Variants in MMS22L observed in about 807,000 individuals in gnomAD.
MMS22L encodes MMS22 like, DNA repair protein.
A neutral mutation model predicts 159.1 loss-of-function variants in MMS22L; 74 were observed. The ratio of observed to expected loss-of-function variants is 0.47; its 90% confidence interval spans 0.39 to 0.56. The LOEUF (loss-of-function observed/expected upper bound fraction) is 0.56, where lower values mean the gene tolerates loss of function less well. Among genes scored for constraint, MMS22L ranks in the 20% least tolerant of loss-of-function variants. The pLI, the probability that MMS22L is intolerant of heterozygous loss-of-function variation, is 0.00. For synonymous variants in MMS22L, 517 were observed against 506.9 expected (o/e 1.02, Z -0.27); for missense variants, 1,351 against 1,422.1 (o/e 0.95, Z 0.80).
intron 14 of MMS22L, among the ~76,000 whole-genome samples, chr6:97,200,628 C>G (rs114769091): frequency 0.016 from 2,359 of 151,992 alleles, 62 homozygotes; most frequent in African/African-American, 0.054. Flanking sequence ...AAAAAAAATC[C>G]ATGCATATGC....
chr6:97,224,530 C>A, intron 14 of MMS22L, among the ~76,000 whole-genome samples: 1 of 150,402 alleles, frequency 6.6e-6, no homozygotes, highest in South Asian at 2.1e-4. Flanking sequence ...GTCTCCACAC[C>A]TCTCAAATCA....
intron 14 of MMS22L, among the ~76,000 whole-genome samples, chr6:97,194,046 C>G (rs1488211168): frequency 1.3e-5 from 2 of 151,214 alleles, no homozygotes; most frequent in East Asian, 2.0e-4. Context: ...CAGGCGTGAG[C>G]CACCGTGCCT....
chr6:97,211,495 C>G (rs189228574), intron 14 of MMS22L, among the ~76,000 whole-genome samples: 91 of 152,130 alleles, frequency 6.0e-4, no homozygotes, highest in African/African-American at 2.0e-3. Flanking sequence ...GTAAAATCTT[C>G]ATCTTCTAGT....
At chr6:97,282,256 A>T in intron 2 of MMS22L, 58 bp downstream of exon 2, 3 of 1,557,830 alleles carry the variant, frequency 1.9e-6, no homozygotes, top group Non-Finnish European at 2.6e-6. Flanking sequence ...AATAACTAAC[A>T]TTCCTAAAAA....
At position 97,234,053 on chromosome 6, in the gene MMS22L, C is replaced by G. The variant is rs569587170; in HGVS notation, c.1183-73G>C. 3.5e-3 allele frequency: 5,328 copies of G among 1,513,010 alleles called. 19 individuals are homozygous for G. The highest frequency in any genetic ancestry group is 4.2e-3 in the Non-Finnish European group (4,723 of 1,122,182). The allele number at this position is 1,513,010 out of a possible 1,614,324, so 93.7% of individuals were successfully genotyped here. ...ATAAACATTTTCACTTGATATTGTGCTGTATATAACCTGCAGCTAAAAAGA... is the reference window on the plus strand; with the variant it reads ...ATAAACATTTTCACTTGATATTGTGGTGTATATAACCTGCAGCTAAAAAGA... On this transcript the variant is annotated intron_variant, in intron 11 of 24. Transcript: ENST00000683635.
In MMS22L at chr6:97,186,585, A is replaced by C. The variant is rs756955687; in HGVS notation, c.2145T>G (p.Ser715Arg). ...AKERHLAAVA[S>R]ALWRHFFSFL... ...ATGAAAAGAAATGTCTCCACAGTGC[A>C]CTGGCAACTGCAGCAAGGTGGCGCT... is the stretch of plus-strand genomic sequence containing the variant. The change falls in exon 15 of 25, where the codon AGT (serine) becomes AGG (arginine). Residue 715 changes from serine (S) to arginine (R), a missense_variant. Transcript: ENST00000683635. The C allele has an allele frequency of 6.2e-7, 1 of 1,613,012 alleles. No homozygotes were observed.
At chr6:97,255,552 T>A (rs1195724519) in intron 9 of MMS22L, among the ~76,000 whole-genome samples, 1 of 152,130 alleles carries the variant, frequency 6.6e-6, no homozygotes, top group African/African-American at 2.4e-5. Context: ...ATTGCTAACA[T>A]CTTGAGATAA....
intron 11 of MMS22L, among the ~76,000 whole-genome samples, chr6:97,239,782 AC>A (rs1811854704): frequency 6.6e-6 from 1 of 152,118 alleles, no homozygotes; most frequent in Non-Finnish European, 1.5e-5. Flanking sequence ...GGTGGCATGC[AC>A]CTGTCCTAAT....
intron 14 of MMS22L, among the ~76,000 whole-genome samples, chr6:97,215,114 A>AT (rs1554266841): frequency 0.052 from 4,500 of 87,138 alleles, 94 homozygotes; most frequent in Non-Finnish European, 0.084. Flanking sequence ...ATATATATAT[A>AT]TTTTTTTTTT....
At chr6:97,247,421 A>G (rs571490017) in intron 10 of MMS22L, among the ~76,000 whole-genome samples, 2 of 152,278 alleles carry the variant, frequency 1.3e-5, no homozygotes, top group Admixed American at 1.3e-4. Context: ...TGTGGAAGGG[A>G]AAAAAACGGT....
chr6:97,237,082 A>G (rs753101853), intron 11 of MMS22L, among the ~76,000 whole-genome samples: 8 of 152,182 alleles, frequency 5.3e-5, no homozygotes, highest in Non-Finnish European at 2.9e-5. Flanking sequence ...ATGGAAGAGG[A>G]CAGAAAAATG....
intron 9 of MMS22L, chr6:97,259,507 C>CACTTTTCTTTTGAACATACTGAAGT (rs1814212853): frequency 1.3e-5 from 2 of 152,098 alleles, no homozygotes; most frequent in Non-Finnish European, 2.9e-5. Context: ...CATACTGAAA[C>CACTTTTCTTTTGAACATACTGAAGT]ACTGTTCTTT....
intron 4 of MMS22L, among the ~76,000 whole-genome samples, chr6:97,275,450 C>G (rs1816160976): frequency 6.6e-6 from 1 of 152,154 alleles, no homozygotes; most frequent in South Asian, 2.1e-4. Context: ...TTGCTTGAAC[C>G]AGGGAGTCAG....
At chr6:97,238,327 T>C (rs776425524) in intron 11 of MMS22L, among the ~76,000 whole-genome samples, 2 of 152,222 alleles carry the variant, frequency 1.3e-5, no homozygotes, top group Non-Finnish European at 2.9e-5. Flanking sequence ...AAATAATAAA[T>C]GCAACAGGGT....
chr6:97,222,784 T>A (rs551511284), intron 14 of MMS22L, among the ~76,000 whole-genome samples: 2 of 152,094 alleles, frequency 1.3e-5, no homozygotes, highest in South Asian at 4.1e-4. Context: ...AGCTGTGTTA[T>A]AAAACCCCGA....
chr6:97,159,862 G>T (rs781581714), intron 22 of MMS22L, among the ~76,000 whole-genome samples: 8 of 149,420 alleles, frequency 5.4e-5, no homozygotes, highest in Admixed American at 1.3e-4. Context: ...AAATCCAAAA[G>T]AATCTGATAT....
At chr6:97,214,685 G>GTTT (rs11398586) in intron 14 of MMS22L, among the ~76,000 whole-genome samples, 5 of 133,884 alleles carry the variant, frequency 3.7e-5, no homozygotes, top group Admixed American at 7.6e-5. Context: ...TATTTTTTTT[G>GTTT]TTTTTTTTTT....
At chr6:97,172,696 C>T (rs1436216723) in intron 19 of MMS22L, among the ~76,000 whole-genome samples, 3 of 151,992 alleles carry the variant, frequency 2.0e-5, no homozygotes, top group Non-Finnish European at 4.4e-5. Context: ...TAGATGTAAG[C>T]GATAGTTTTC....
chr6:97,249,871 T>C (rs984060166), intron 10 of MMS22L, among the ~76,000 whole-genome samples: 3 of 152,156 alleles, frequency 2.0e-5, no homozygotes, highest in East Asian at 3.8e-4. Context: ...AGTTTTAGCT[T>C]TATAACTGGA....
Sources: allele counts gnomAD v4.1 joint callset (sites outside exome capture counted in the v4.1 genomes callset), GRCh38; gene constraint gnomAD v4.1.1; transcripts MANE v1.5; gene names NCBI Gene and HGNC (gene_info 2026-07-23, HGNC 2026-07-21).